The following UMAD1 variants were observed in gnomAD, a reference collection of about 807,000 sequenced individuals.
UMAD1 encodes the protein UBAP1-MVB12-associated (UMA) domain containing 1, also known as UBAP1-MVB12-associated (UMA)-domain containing protein 1.
In UMAD1, 8 loss-of-function variants were observed where a neutral mutation model predicts 6.1. The ratio of observed to expected loss-of-function variants is 1.30; its 90% CI spans 0.76 to 2.35. The LOEUF (loss-of-function observed/expected upper bound fraction) is 2.35. Ranked by LOEUF, UMAD1 falls within the 30% of genes most tolerant of loss-of-function variation. The pLI is 0.00. For missense variants in UMAD1, 130 were observed against 78.4 expected, an observed-to-expected ratio of 1.66 and a Z score of -2.49; for synonymous variants, 56 against 31.4, an observed-to-expected ratio of 1.78 and a Z score of -2.61.
intron 1 of UMAD1, among the ~76,000 whole-genome samples, chr7:7,642,460 G>T (rs7796049): frequency 8.7e-6 from 1 of 114,676 alleles, no homozygotes; most frequent in Non-Finnish European, 1.8e-5. Flanking sequence ...TGCGTACCCT[G>T]TAATAGTGAT....
intron 2 of UMAD1, among the ~76,000 whole-genome samples, chr7:7,730,824 GAT>G (rs1781233241): frequency 6.6e-6 from 1 of 152,198 alleles, no homozygotes; most frequent in Admixed American, 6.5e-5. Context: ...AATATACTGA[GAT>G]ATGTGGTATT....
At chr7:7,780,319 C>A (rs1025816354) in intron 2 of UMAD1, among the ~76,000 whole-genome samples, 2 of 152,316 alleles carry the variant, frequency 1.3e-5, no homozygotes, top group South Asian at 2.1e-4. Flanking sequence ...CAACTACCCC[C>A]ACAGACTGTG....
At chr7:7,858,947 A>G (rs1784066901) in intron 3 of UMAD1, among the ~76,000 whole-genome samples, 1 of 152,184 alleles carries the variant, frequency 6.6e-6, no homozygotes, top group Non-Finnish European at 1.5e-5. Flanking sequence ...GAGTAAAACA[A>G]AAAATTTTAA....
At chr7:7,719,314 T>A (rs1780995172) in intron 2 of UMAD1, among the ~76,000 whole-genome samples, 1 of 152,160 alleles carries the variant, frequency 6.6e-6, no homozygotes, top group Non-Finnish European at 1.5e-5. Context: ...AATGGAAAGA[T>A]TAAACTGGAG....
chr7:7,764,947 G>C (rs1475893540), intron 2 of UMAD1, among the ~76,000 whole-genome samples: 1 of 151,252 alleles, frequency 6.6e-6, no homozygotes, highest in Non-Finnish European at 1.5e-5. Context: ...TTGTACTTCA[G>C]CTGTCACTGC....
At chr7:7,700,780 C>A (rs1048411147) in intron 2 of UMAD1, among the ~76,000 whole-genome samples, 6 of 151,922 alleles carry the variant, frequency 3.9e-5, no homozygotes, top group Non-Finnish European at 8.8e-5. Context: ...CAAAGCTACT[C>A]GGGAGGCTGA....
intron 2 of UMAD1, among the ~76,000 whole-genome samples, chr7:7,688,834 G>T (rs527416397): frequency 6.6e-6 from 1 of 152,238 alleles, no homozygotes; most frequent in Admixed American, 6.5e-5. Flanking sequence ...ATTGTTAATA[G>T]CTTTTGTAAT....
chr7:7,717,159 C>T (rs1780936527), intron 2 of UMAD1, among the ~76,000 whole-genome samples: 1 of 150,848 alleles, frequency 6.6e-6, no homozygotes, highest in Non-Finnish European at 1.5e-5. Context: ...CGGGTTCAAG[C>T]GATTCTCTCA....
At chr7:7,852,503 C>T (rs543475922) in intron 3 of UMAD1, among the ~76,000 whole-genome samples, 1 of 152,178 alleles carries the variant, frequency 6.6e-6, no homozygotes, top group East Asian at 1.9e-4. Context: ...AGTTGGGGTT[C>T]CCACAACCCT....
At chr7:7,735,928 C>CA (rs111591998) in intron 2 of UMAD1, 13,397 of 152,286 alleles carry the variant, frequency 0.088, 716 homozygotes, top group African/African-American at 0.15. Flanking sequence ...AATGGATCTA[C>CA]ATTGTTTGTC....
chr7:7,668,038 TC>T (rs1209524691), intron 1 of UMAD1, among the ~76,000 whole-genome samples: 1 of 151,714 alleles, frequency 6.6e-6, no homozygotes, highest in African/African-American at 2.4e-5. Context: ...AACCTCAGCC[TC>T]CCGATTAGCT....
intron 2 of UMAD1, among the ~76,000 whole-genome samples, chr7:7,770,394 C>T (rs1453596957): frequency 2.0e-5 from 3 of 152,156 alleles, no homozygotes; most frequent in African/African-American, 7.2e-5. Context: ...AGTCCCTTTC[C>T]TTCCATCTTA....
intron 1 of UMAD1, among the ~76,000 whole-genome samples, chr7:7,665,123 A>G (rs1431676328): frequency 1.3e-5 from 2 of 152,212 alleles, no homozygotes; most frequent in Non-Finnish European, 2.9e-5. Flanking sequence ...TACATTAACT[A>G]GTAGTCTGTT....
intron 2 of UMAD1, among the ~76,000 whole-genome samples, chr7:7,687,663 G>T (rs996886127): frequency 6.6e-6 from 1 of 152,264 alleles, no homozygotes; most frequent in African/African-American, 2.4e-5. Context: ...AACTCTGGTT[G>T]TCAGTTAAAT....
chr7:7,778,233 TG>T (rs1350433416), intron 2 of UMAD1, among the ~76,000 whole-genome samples: 3 of 38,342 alleles, frequency 7.8e-5, no homozygotes, highest in African/African-American at 2.6e-4. Context: ...GTTTTGTGTG[TG>T]TGTGTGTGTG....
intron 3 of UMAD1, among the ~76,000 whole-genome samples, chr7:7,827,133 A>ATGTGTGTGTG (rs1354412548): frequency 3.8e-4 from 34 of 89,242 alleles, no homozygotes; most frequent in African/African-American, 1.1e-3. Context: ...ATATATATAT[A>ATGTGTGTGTG]TATATATATA....
chr7:7,644,521 A>G (rs1375396166), intron 1 of UMAD1, among the ~76,000 whole-genome samples: 4 of 152,162 alleles, frequency 2.6e-5, no homozygotes, highest in Non-Finnish European at 5.9e-5. Context: ...TTTGCCTTTC[A>G]TATTTAATAG....
At chr7:7,682,377 A>G (rs1011620971) in intron 2 of UMAD1, among the ~76,000 whole-genome samples, 4 of 152,186 alleles carry the variant, frequency 2.6e-5, no homozygotes, top group Admixed American at 6.5e-5. Flanking sequence ...ATTATCTCCT[A>G]TGGAATTCCT....
At chr7:7,768,200 A>G (rs1782033269) in intron 2 of UMAD1, among the ~76,000 whole-genome samples, 1 of 152,224 alleles carries the variant, frequency 6.6e-6, no homozygotes, top group Admixed American at 6.5e-5. Flanking sequence ...ATGAAAATTT[A>G]GTCAAACTCA....
Sources: gnomAD v4.1 joint callset for allele counts (sites outside exome capture counted in the v4.1 genomes callset) on GRCh38, gnomAD v4.1.1 for gene constraint, MANE v1.5 for transcripts, NCBI Gene and HGNC (gene_info 2026-07-23, HGNC 2026-07-21) for gene names.